The following PALS2 variants were observed in gnomAD, a reference collection of about 807,000 sequenced individuals.
The protein encoded by PALS2 is protein PALS2.
Under a neutral mutation model 61.6 loss-of-function variants are expected in PALS2, and 27 were observed. That is an observed-to-expected ratio of 0.44 (90% confidence interval 0.32 to 0.60). PALS2 has a LOEUF of 0.60. Among genes scored for constraint, PALS2 ranks in the 20% least tolerant of loss-of-function variants. The pLI is 0.05. For missense variants in PALS2, 554 were observed against 639.4 expected, an observed-to-expected ratio of 0.87 and a Z score of 1.44; for synonymous variants, 236 against 218.6, an observed-to-expected ratio of 1.08 and a Z score of -0.70.
intron 1 of PALS2, among the ~76,000 whole-genome samples, chr7:24,595,402 AT>A (rs1379871338): frequency 7.0e-6 from 1 of 142,752 alleles, no homozygotes; most frequent in Non-Finnish European, 1.5e-5. Context: ...TTATATATAT[AT>A]AAAAAATATA....
Position 24,657,307 on chromosome 7 carries a change from T to C in PALS2, c.652-6283T>C, listed in dbSNP as rs138313430. On this transcript the variant is annotated intron_variant, in intron 5 of 11. Coordinates refer to ENST00000222644, the MANE Select transcript of PALS2 (RefSeq NM_001303037.2). ...TGACTAAACCGTTTTCAAAAGTTAG[T>C]ATAACAACTTAAATTTCCACCAACA... 3.8e-3 allele frequency among the ~76,000 whole-genome samples: 583 copies of C among 152,320 alleles called. 5 individuals carry two copies. Among genetic ancestry groups the C allele is most frequent in the African/African-American group, 0.013 (523 of 41,574 alleles).
chr7:24,625,623 A>T (rs1283705052), intron 2 of PALS2, among the ~76,000 whole-genome samples: 7 of 152,188 alleles, frequency 4.6e-5, no homozygotes, highest in Non-Finnish European at 7.3e-5. Flanking sequence ...GCTTATTCTT[A>T]AAAACTGGTG....
chr7:24,605,380 A>C (rs1435157978), intron 1 of PALS2, among the ~76,000 whole-genome samples: 1 of 152,194 alleles, frequency 6.6e-6, no homozygotes, highest in Non-Finnish European at 1.5e-5. Flanking sequence ...CTAAAAGAAT[A>C]ACATGGTTTC....
intron 9 of PALS2, among the ~76,000 whole-genome samples, chr7:24,671,686 A>G (rs964111245): frequency 3.5e-4 from 54 of 152,136 alleles, no homozygotes; most frequent in Non-Finnish European, 1.0e-4. Context: ...CATGCAGATT[A>G]TATGATCAAT....
intron 11 of PALS2, among the ~76,000 whole-genome samples, chr7:24,682,261 A>T (rs954407812): frequency 6.6e-6 from 1 of 152,136 alleles, no homozygotes; most frequent in Non-Finnish European, 1.5e-5. Flanking sequence ...GGGAATAGGT[A>T]CCATTCCTGG....
chr7:24,612,121 A>G (rs563872893), intron 1 of PALS2, among the ~76,000 whole-genome samples: 2 of 152,086 alleles, frequency 1.3e-5, no homozygotes, highest in East Asian at 3.9e-4. Context: ...CTCTTTAGCT[A>G]TTCCCTTTGT....
intron 1 of PALS2, among the ~76,000 whole-genome samples, chr7:24,588,335 G>C (rs1035532888): frequency 6.6e-6 from 1 of 151,980 alleles, no homozygotes; most frequent in Admixed American, 6.6e-5. Flanking sequence ...ATTTCAATTA[G>C]ACAAATATTT....
At chr7:24,600,394 T>A (rs947167589) in intron 1 of PALS2, among the ~76,000 whole-genome samples, 2 of 152,228 alleles carry the variant, frequency 1.3e-5, no homozygotes, top group Non-Finnish European at 1.5e-5. Flanking sequence ...TTATAAAATA[T>A]CTTACATAAC....
chr7:24,574,246 G>C (rs1005113288), intron 1 of PALS2: 1 of 152,278 alleles, frequency 6.6e-6, no homozygotes, highest in Admixed American at 6.5e-5. Flanking sequence ...CCGCGGGGGC[G>C]TTCGCTGCTG....
intron 3 of PALS2, among the ~76,000 whole-genome samples, chr7:24,643,426 A>G (rs1024346044): frequency 1.3e-5 from 2 of 152,136 alleles, no homozygotes; most frequent in African/African-American, 4.8e-5. Flanking sequence ...ATATTTTTCT[A>G]TGCACAAATG....
intron 4 of PALS2, 53 bp downstream of exon 4, chr7:24,649,817 T>C: frequency 7.0e-7 from 1 of 1,437,564 alleles, no homozygotes; most frequent in Non-Finnish European, 9.2e-7. Context: ...ACATAATTTG[T>C]GGTTCAGTCA....
intron 11 of PALS2, among the ~76,000 whole-genome samples, chr7:24,683,579 A>C (rs551950389): frequency 5.9e-4 from 90 of 152,078 alleles, no homozygotes; most frequent in Non-Finnish European, 1.1e-3. Flanking sequence ...ATCTGGTAGA[A>C]CAAATGTTCC....
At chr7:24,587,145 A>T (rs1251153421) in intron 1 of PALS2, among the ~76,000 whole-genome samples, 3 of 151,986 alleles carry the variant, frequency 2.0e-5, no homozygotes, top group Admixed American at 6.6e-5. Context: ...AAGGATGGAA[A>T]AGTTCTTTAG....
At chr7:24,620,494 A>T (rs1291879220) in intron 1 of PALS2, among the ~76,000 whole-genome samples, 1 of 152,170 alleles carries the variant, frequency 6.6e-6, no homozygotes, top group Admixed American at 6.5e-5. Context: ...CATATGATTA[A>T]GAGTCAGTAA....
intron 10 of PALS2, 151 bp downstream of exon 10, chr7:24,679,484 A>C: frequency 1.4e-6 from 1 of 705,698 alleles, no homozygotes; most frequent in Non-Finnish European, 2.3e-6. Context: ...GAATGTTATT[A>C]TGTATACATA....
At chr7:24,665,251 G>T (rs113583155) in intron 6 of PALS2, among the ~76,000 whole-genome samples, 3 of 152,148 alleles carry the variant, frequency 2.0e-5, no homozygotes, top group African/African-American at 4.8e-5. Flanking sequence ...TCTTACTAAA[G>T]GGTGCTAGAT....
chr7:24,621,661 G>C (rs752194965), intron 1 of PALS2, among the ~76,000 whole-genome samples: 1 of 151,934 alleles, frequency 6.6e-6, no homozygotes, highest in Non-Finnish European at 1.5e-5. Context: ...TCTGGGAGTA[G>C]GATAAGTTGG....
intron 9 of PALS2, 106 bp from the exon 10 acceptor site, chr7:24,679,025 G>A: frequency 3.3e-6 from 3 of 907,782 alleles, no homozygotes; most frequent in Middle Eastern, 2.2e-4. Flanking sequence ...ATAGCCTACA[G>A]TTTGCTGCAC....
rs1183020074 is a variant in PALS2, at chr7:24,679,205, G to A, written c.1189G>A (p.Ala397Thr). 6.2e-7 allele frequency: 1 copy of A among 1,613,876 alleles called. No individual in the cohort carries two copies. The highest frequency in any genetic ancestry group is 8.5e-7 in the Non-Finnish European group (1 of 1,179,866). ...GTTTGTGTCACGATCTGAGATGGAA[G>A]CAGATATTAAAGCTGGAAAGTATTT... Reference protein sequence around the residue: ...YKFVSRSEMEADIKAGKYLEH... With the variant: ...YKFVSRSEMETDIKAGKYLEH... The change falls in exon 10 of 12, where the codon GCA becomes ACA. Residue 397 changes from alanine (A) to threonine (T), a missense_variant. Coordinates refer to ENST00000222644, the MANE Select transcript of PALS2 (RefSeq NM_001303037.2).
Sources: gnomAD v4.1 joint callset for allele counts (sites outside exome capture counted in the v4.1 genomes callset) on GRCh38, gnomAD v4.1.1 for gene constraint, MANE v1.5 for transcripts, NCBI Gene and HGNC (gene_info 2026-07-23, HGNC 2026-07-21) for gene names.